PDE4D: variants seen among roughly 807,000 people sequenced by gnomAD.
PDE4D encodes 3',5'-cyclic-AMP phosphodiesterase 4D.
A neutral mutation model predicts 87.4 loss-of-function variants in PDE4D; 24 were observed. That is an observed-to-expected ratio of 0.27 (90% CI 0.20 to 0.39). The LOEUF (loss-of-function observed/expected upper bound fraction) is 0.39, where lower values mean the gene tolerates loss of function less well. Among genes scored for constraint, PDE4D ranks in the 10% least tolerant of loss-of-function variants. The pLI is 1.00. For missense variants in PDE4D, 714 were observed against 1,041.0 expected (o/e 0.69, Z 4.32); for synonymous variants, 384 against 383.2 (o/e 1.00, Z -0.02).
chr5:59,964,134 T>G (rs1250830637), intron 3 of PDE4D, among the ~76,000 whole-genome samples: 4 of 152,164 alleles, frequency 2.6e-5, no homozygotes, highest in Non-Finnish European at 5.9e-5. Context: ...GAAAGGCCAA[T>G]GTAATGGGCC....
chr5:59,671,609 A>C (rs1747216792), intron 1 of PDE4D, among the ~76,000 whole-genome samples: 1 of 152,074 alleles, frequency 6.6e-6, no homozygotes, highest in African/African-American at 2.4e-5. Context: ...AGAATTCAAG[A>C]CCAGCCTGGG....
intron 1 of PDE4D, among the ~76,000 whole-genome samples, chr5:59,842,679 C>T (rs1397414173): frequency 6.6e-6 from 1 of 152,028 alleles, no homozygotes; most frequent in Non-Finnish European, 1.5e-5. Flanking sequence ...CTTATAGTCA[C>T]AGCTTGTACA....
intron 2 of PDE4D, among the ~76,000 whole-genome samples, chr5:60,183,373 AG>A (rs980560504): frequency 2.0e-5 from 3 of 152,240 alleles, no homozygotes; most frequent in African/African-American, 7.2e-5. Context: ...AACATGGTAT[AG>A]AATCATAGAA....
rs771798369 is a variant in PDE4D at position 59,034,868 on chromosome 5, A to C, written c.921+3991T>G. ...CCATGCCAAACCTCAAACTGCCCCC[A>C]AAATTAGAGCAGAAACAAAATACAT... On this transcript the variant is annotated intron_variant, in intron 6 of 14. Transcript: ENST00000340635. Among the ~76,000 whole-genome samples the C allele has an allele frequency of 3.4e-4, 52 of 152,356 alleles. 1 individual carries two copies. Among genetic ancestry groups the C allele is most frequent in the South Asian group, 8.3e-4 (4 of 4,834 alleles).
chr5:59,357,858 G>C (rs1781628820), intron 1 of PDE4D, among the ~76,000 whole-genome samples: 1 of 152,156 alleles, frequency 6.6e-6, no homozygotes, highest in Non-Finnish European at 1.5e-5. Context: ...AATTTCATCA[G>C]TCTGTATCCA....
chr5:60,161,067 A>G (rs746073942), intron 2 of PDE4D, among the ~76,000 whole-genome samples: 5 of 152,222 alleles, frequency 3.3e-5, no homozygotes, highest in African/African-American at 1.2e-4. Context: ...GAATTTTCTA[A>G]AAGAAAGTAG....
At chr5:60,234,756 T>C (rs988600867) in intron 1 of PDE4D, among the ~76,000 whole-genome samples, 9 of 151,916 alleles carry the variant, frequency 5.9e-5, no homozygotes, top group Non-Finnish European at 1.3e-4. Context: ...CTACTTCTTA[T>C]TGGGTCATTT....
chr5:59,918,032 T>C (rs1754262000), intron 3 of PDE4D, among the ~76,000 whole-genome samples: 1 of 152,058 alleles, frequency 6.6e-6, no homozygotes, highest in Non-Finnish European at 1.5e-5. Flanking sequence ...TTTTATACTA[T>C]ACACAATCAA....
intron 1 of PDE4D, among the ~76,000 whole-genome samples, chr5:60,237,498 GAA>G (rs1193726186): frequency 2.6e-5 from 4 of 151,972 alleles, no homozygotes; most frequent in African/African-American, 9.7e-5. Context: ...ATGCTGTGTA[GAA>G]AAAGAGCCAA....
intron 1 of PDE4D, among the ~76,000 whole-genome samples, chr5:60,268,729 T>C (rs948364055): frequency 6.6e-6 from 1 of 152,220 alleles, no homozygotes; most frequent in African/African-American, 2.4e-5. Context: ...ACTGAAGTTC[T>C]ATGCCATATT....
At chr5:60,482,894 T>G (rs1288764718) in intron 1 of PDE4D, among the ~76,000 whole-genome samples, 1 of 152,218 alleles carries the variant, frequency 6.6e-6, no homozygotes, top group African/African-American at 2.4e-5. Context: ...ATAATTGTCC[T>G]AGCTGCAAAA....
intron 1 of PDE4D, among the ~76,000 whole-genome samples, chr5:59,685,732 T>A (rs943374900): frequency 6.6e-6 from 1 of 152,124 alleles, no homozygotes; most frequent in African/African-American, 2.4e-5. Context: ...AGATTTTTTT[T>A]TTCTGCCAAA....
intron 1 of PDE4D, among the ~76,000 whole-genome samples, chr5:60,246,605 T>G (rs1023991505): frequency 1.5e-4 from 23 of 151,824 alleles, no homozygotes; most frequent in Admixed American, 1.4e-3. Flanking sequence ...ACTTTAGTTT[T>G]CACCTTTATA....
chr5:59,158,793 G>C (rs1401026362), intron 5 of PDE4D, among the ~76,000 whole-genome samples: 1 of 152,090 alleles, frequency 6.6e-6, no homozygotes, highest in African/African-American at 2.4e-5. Flanking sequence ...TTATACCCCT[G>C]GTCTTAAAAC....
intron 11 of PDE4D, among the ~76,000 whole-genome samples, chr5:58,980,074 G>A (rs1372396461): frequency 6.6e-6 from 1 of 152,132 alleles, no homozygotes; most frequent in African/African-American, 2.4e-5. Flanking sequence ...AACTCTTTTA[G>A]GAAGATACTG....
intron 1 of PDE4D, among the ~76,000 whole-genome samples, chr5:59,826,980 C>A (rs992176365): frequency 4.0e-5 from 6 of 151,892 alleles, no homozygotes; most frequent in African/African-American, 1.4e-4. Flanking sequence ...AGAATTGAAT[C>A]TAAGGAAATA....
chr5:59,667,669 T>C (rs547187564), intron 1 of PDE4D, among the ~76,000 whole-genome samples: 3 of 152,198 alleles, frequency 2.0e-5, no homozygotes, highest in Non-Finnish European at 4.4e-5. Context: ...GCCATATTAG[T>C]TTGTGTAATA....
chr5:59,991,188 G>T (rs2152832421), intron 2 of PDE4D, among the ~76,000 whole-genome samples: 1 of 152,216 alleles, frequency 6.6e-6, no homozygotes, highest in Non-Finnish European at 1.5e-5. Context: ...CCCCTGCTCT[G>T]CCAGTAATTA....
At chr5:60,351,134 C>T (rs1205801952) in intron 1 of PDE4D, among the ~76,000 whole-genome samples, 2 of 152,082 alleles carry the variant, frequency 1.3e-5, no homozygotes, top group East Asian at 3.9e-4. Context: ...TGAGAAACTC[C>T]GTTTGTGGCC....
Sources: allele counts gnomAD v4.1 joint callset (sites outside exome capture counted in the v4.1 genomes callset), GRCh38; gene constraint gnomAD v4.1.1; transcripts MANE v1.5; gene names NCBI Gene and HGNC (gene_info 2026-07-23, HGNC 2026-07-21).